Variants in ZNF782 observed in about 807,000 individuals in gnomAD.
ZNF782 encodes zinc finger protein 782.
In ZNF782, 12 loss-of-function variants were observed where a neutral mutation model predicts 13.0. The observed-to-expected ratio is 0.92, with a 90% CI of 0.59 to 1.50. ZNF782 has a LOEUF of 1.50. ZNF782 is among the 40% of genes most tolerant of loss of function. The probability of loss-of-function intolerance (pLI) is 0.00; values close to 1 mark genes in which losing one functional copy is unlikely to be tolerated. For synonymous variants in ZNF782, 284 were observed against 283.0 expected (o/e 1.00, Z -0.04); for missense variants, 770 against 822.9 (o/e 0.94, Z 0.79).
chr9:96,842,276 T>C (rs1851212095), intron 4 of ZNF782, among the ~76,000 whole-genome samples: 1 of 151,996 alleles, frequency 6.6e-6, no homozygotes, highest in African/African-American at 2.4e-5. Flanking sequence ...TGTCACAAAA[T>C]TGATAATTTA....
the ZNF782 span, among the ~76,000 whole-genome samples, chr9:96,930,814 G>A: frequency 7.4e-6 from 1 of 134,680 alleles, no homozygotes; most frequent in Non-Finnish European, 1.5e-5. Context: ...GGCGTTATGT[G>A]TTATGGGTTA....
the ZNF782 span, among the ~76,000 whole-genome samples, chr9:96,901,993 C>T: frequency 1.3e-5 from 2 of 151,356 alleles, no homozygotes; most frequent in African/African-American, 2.4e-5. Flanking sequence ...AATATTTTCC[C>T]TAAAACCAAT....
At chr9:96,853,556 G>A (rs558309802) in intron 1 of ZNF782, among the ~76,000 whole-genome samples, 4 of 152,296 alleles carry the variant, frequency 2.6e-5, no homozygotes, top group African/African-American at 9.6e-5. Context: ...TTAAAAGAGA[G>A]ACACCCTGAC....
At position 96,849,914 on chromosome 9, in the gene ZNF782, A is replaced by G. The variant is rs116843087; in HGVS notation, c.15+2033T>C. On this transcript the variant is annotated intron_variant, in intron 3 of 5. Coordinates refer to ENST00000481138, the MANE Select transcript of ZNF782 (RefSeq NM_001001662.3). ...TAAACACATGAAAAAAAAATGCTCA[A>G]CATCGCTAATCATCAGGGAAATGCA... 9.2e-3 allele frequency among the ~76,000 whole-genome samples: 1,407 copies of G among 152,300 alleles called. 52 individuals are homozygous for G. The East Asian group carries it at 0.1, about 11-fold the overall frequency.
At chr9:96,923,340 A>G in the ZNF782 span, among the ~76,000 whole-genome samples, 12 of 150,402 alleles carry the variant, frequency 8.0e-5, 1 homozygote, top group Non-Finnish European at 1.6e-4. Flanking sequence ...ATGCTCACAC[A>G]GAAGTAACTC....
At chr9:96,898,761 G>A in the ZNF782 span, among the ~76,000 whole-genome samples, 2 of 146,908 alleles carry the variant, frequency 1.4e-5, no homozygotes, top group Non-Finnish European at 3.0e-5. Context: ...TGGCCAGGCT[G>A]GTCTCGAACT....
intron 5 of ZNF782, among the ~76,000 whole-genome samples, chr9:96,824,440 C>A (rs1348800947): frequency 1.1e-4 from 17 of 149,928 alleles, no homozygotes; most frequent in South Asian, 6.3e-4. Flanking sequence ...AAACCCACAG[C>A]CAATATCATA....
At chr9:96,820,785 G>A (rs548359941) in intron 5 of ZNF782, among the ~76,000 whole-genome samples, 1 of 152,112 alleles carries the variant, frequency 6.6e-6, no homozygotes, top group African/African-American at 2.4e-5. Context: ...CCTGATCTCA[G>A]GTGATCCACC....
the ZNF782 span, chr9:96,892,014 C>A: frequency 6.6e-6 from 1 of 152,182 alleles, no homozygotes; most frequent in East Asian, 1.9e-4. Flanking sequence ...CTGTTAATAG[C>A]TCAATCTGCT....
chr9:96,907,353 A>T, the ZNF782 span, among the ~76,000 whole-genome samples: 1 of 152,104 alleles, frequency 6.6e-6, no homozygotes, highest in African/African-American at 2.4e-5. Context: ...GAAAGGAGAA[A>T]GGGGCAGTTG....
upstream of ZNF782, among the ~76,000 whole-genome samples, chr9:96,857,089 A>G (rs1851652945): frequency 6.6e-6 from 1 of 152,212 alleles, no homozygotes; most frequent in African/African-American, 2.4e-5. Flanking sequence ...TCACTATCAC[A>G]TGGGTTTTAC....
chr9:96,893,498 T>C, the ZNF782 span: 1 of 152,168 alleles, frequency 6.6e-6, no homozygotes, highest in Admixed American at 6.5e-5. Context: ...GAACTAGAAA[T>C]ACCATCTTGA....
chr9:96,817,985 C>G lies in ZNF782; in HGVS notation c.2038G>C (p.Gly680Arg), dbSNP rs141504957. 4.3e-5 allele frequency: 69 copies of G among 1,607,240 alleles called. No homozygotes were observed. In the East Asian group the frequency reaches 1.5e-3, roughly 35 times the overall value. ...CTTGATTTTTGACTGAAAGTTCTCC[C>G]ACATTTATCACATTTATAGGGTTTC... The part of the protein sequence containing the change: ...GEKPYKCDKC[G>R]RTFSQKSSLR... The change falls in exon 6 of 6, where the codon GGG becomes CGG. Residue 680 changes from glycine (G) to arginine (R), a missense_variant. By Grantham distance (125) the Gly-to-Arg change is moderately radical. Transcript: ENST00000481138.
At chr9:96,884,936 C>G in the ZNF782 span, among the ~76,000 whole-genome samples, 1 of 151,816 alleles carries the variant, frequency 6.6e-6, no homozygotes, top group African/African-American at 2.4e-5. Flanking sequence ...AAAAAAATAA[C>G]AGACACTAAC....
intron 3 of ZNF782, among the ~76,000 whole-genome samples, chr9:96,851,111 A>G (rs897866448): frequency 1.3e-5 from 2 of 152,124 alleles, no homozygotes; most frequent in African/African-American, 4.8e-5. Context: ...GTCTCTCTGT[A>G]CATCTATAAC....
At chr9:96,929,168 A>T in the ZNF782 span, 3 of 1,478,916 alleles carry the variant, frequency 2.0e-6, no homozygotes, top group Non-Finnish European at 2.8e-6. Context: ...GTCCCCAAGG[A>T]CATCACACCT....
upstream of ZNF782, among the ~76,000 whole-genome samples, chr9:96,855,883 A>T (rs796821888): frequency 2.6e-5 from 4 of 152,292 alleles, no homozygotes; most frequent in African/African-American, 9.6e-5. Flanking sequence ...GCAGTGTAGA[A>T]GTTTTCCCTG....
intron 1 of ZNF782, among the ~76,000 whole-genome samples, chr9:96,871,312 T>G (rs933158570): frequency 1.3e-5 from 2 of 151,984 alleles, no homozygotes; most frequent in Non-Finnish European, 2.9e-5. Context: ...AGATGTTGTC[T>G]CAGTATGTTA....
At chr9:96,912,200 A>G in the ZNF782 span, among the ~76,000 whole-genome samples, 2,052 of 120,780 alleles carry the variant, frequency 0.017, 56 homozygotes, top group East Asian at 0.25. Flanking sequence ...TCCGTCTCGA[A>G]AAAAAAAAAA....
Sources: gnomAD v4.1 joint callset for allele counts (sites outside exome capture counted in the v4.1 genomes callset) on GRCh38, gnomAD v4.1.1 for gene constraint, MANE v1.5 for transcripts, NCBI Gene and HGNC (gene_info 2026-07-23, HGNC 2026-07-21) for gene names.